ACOXL: variants seen among roughly 807,000 people sequenced by gnomAD.
ACOXL encodes the protein acyl-coenzyme A oxidase-like protein.
In ACOXL, 70 loss-of-function variants were observed where a neutral mutation model predicts 71.9. The ratio of observed to expected loss-of-function variants is 0.97; its 90% confidence interval spans 0.80 to 1.19. ACOXL has a LOEUF of 1.19. Ranked by LOEUF, ACOXL falls within the 50% of genes most tolerant of loss-of-function variation. The probability of loss-of-function intolerance (pLI) is 0.00; values close to 1 mark genes in which losing one functional copy is unlikely to be tolerated. For synonymous variants in ACOXL, 253 were observed against 281.6 expected, an observed-to-expected ratio of 0.90 and a Z score of 1.02; for missense variants, 703 against 736.3, an observed-to-expected ratio of 0.95 and a Z score of 0.52.
intron 12 of ACOXL, among the ~76,000 whole-genome samples, chr2:110,955,933 ATTTTT>A (rs67285328): frequency 2.0e-5 from 2 of 101,780 alleles, no homozygotes. Context: ...CTTGCCACAG[ATTTTT>A]TTTTTTTTTT....
intron 14 of ACOXL, among the ~76,000 whole-genome samples, chr2:111,027,054 G>A (rs569982312): frequency 6.6e-6 from 1 of 151,740 alleles, no homozygotes; most frequent in Non-Finnish European, 1.5e-5. Context: ...CCACCATCAC[G>A]CCCAGCTAAT....
chr2:111,042,185 G>T (rs1372426500), intron 15 of ACOXL, among the ~76,000 whole-genome samples: 1 of 152,230 alleles, frequency 6.6e-6, no homozygotes, highest in Non-Finnish European at 1.5e-5. Flanking sequence ...GGCCAAACTG[G>T]CATTTTGCCT....
At chr2:110,786,080 C>T (rs1358461627) in intron 3 of ACOXL, among the ~76,000 whole-genome samples, 1 of 152,204 alleles carries the variant, frequency 6.6e-6, no homozygotes, top group African/African-American at 2.4e-5. Context: ...GCCACTCGTG[C>T]TGCCCAAGCC....
At chr2:110,788,856 G>C (rs986908796) in intron 3 of ACOXL, among the ~76,000 whole-genome samples, 3 of 152,218 alleles carry the variant, frequency 2.0e-5, no homozygotes, top group Middle Eastern at 3.2e-3. Context: ...GAGGGCATGT[G>C]GTGTGCTGGG....
At chr2:110,927,613 A>G (rs933791383) in intron 11 of ACOXL, among the ~76,000 whole-genome samples, 4 of 152,192 alleles carry the variant, frequency 2.6e-5, no homozygotes, top group Admixed American at 2.0e-4. Flanking sequence ...GAGCCCCCAT[A>G]TAAGCTTCCT....
At chr2:111,089,296 C>T (rs915706995) in intron 16 of ACOXL, among the ~76,000 whole-genome samples, 1 of 150,254 alleles carries the variant, frequency 6.7e-6, no homozygotes, top group African/African-American at 2.5e-5. Context: ...GACTCCGTCT[C>T]AAAAACAAAC....
chr2:110,879,031 TG>T (rs1031942138), intron 10 of ACOXL, among the ~76,000 whole-genome samples: 1 of 149,002 alleles, frequency 6.7e-6, no homozygotes, highest in African/African-American at 2.5e-5. Flanking sequence ...CCCTCCAGCC[TG>T]GGCGACAGGG....
chr2:110,892,375 C>A (rs12329216), intron 10 of ACOXL, among the ~76,000 whole-genome samples: 47,641 of 151,942 alleles, frequency 0.31, 7,799 homozygotes, highest in Middle Eastern at 0.38. Flanking sequence ...GGGTAGCAAA[C>A]CAGTCAGGGG....
intron 9 of ACOXL, among the ~76,000 whole-genome samples, chr2:110,821,424 G>A (rs1053496002): frequency 6.6e-5 from 10 of 152,140 alleles, no homozygotes; most frequent in Admixed American, 3.9e-4. Context: ...TATGCAGCGG[G>A]GCCCAGAGCT....
intron 9 of ACOXL, among the ~76,000 whole-genome samples, chr2:110,829,888 C>T (rs1689609637): frequency 6.6e-6 from 1 of 152,184 alleles, no homozygotes; most frequent in Non-Finnish European, 1.5e-5. Flanking sequence ...TAATTATTTA[C>T]AGAGATTGCT....
rs116038004 is a variant in ACOXL at position 110,992,993 on chromosome 2, A to G, written c.1170-2900A>G. ...CTATCAACCTATTACTGTACCTGCT[A>G]TATCACTATCATATCTATGGATCTG... On this transcript the variant is annotated intron_variant, in intron 13 of 17. Coordinates refer to ENST00000439055, the MANE Select transcript of ACOXL (RefSeq NM_001142807.4). Among the ~76,000 whole-genome samples the G allele has an allele frequency of 4.1e-3, 632 of 152,370 alleles. 8 individuals carry two copies. Among genetic ancestry groups the G allele is most frequent in the African/African-American group, 0.015 (608 of 41,586 alleles).
At chr2:111,104,982 A>G (rs1473530804) in intron 17 of ACOXL, among the ~76,000 whole-genome samples, 1 of 152,052 alleles carries the variant, frequency 6.6e-6, no homozygotes, top group African/African-American at 2.4e-5. Flanking sequence ...GCCATGATCC[A>G]TTTTTAGTTA....
chr2:111,047,570 T>A (rs1358386377), intron 15 of ACOXL, among the ~76,000 whole-genome samples: 1 of 151,978 alleles, frequency 6.6e-6, no homozygotes. Flanking sequence ...GAGGACGGAG[T>A]TGAGGGAGAG....
At chr2:110,959,478 C>A (rs1218338123) in intron 12 of ACOXL, among the ~76,000 whole-genome samples, 1 of 152,146 alleles carries the variant, frequency 6.6e-6, no homozygotes, top group Non-Finnish European at 1.5e-5. Flanking sequence ...TCCACTTCCT[C>A]CCCCTGAAAA....
chr2:110,738,454 A>G (rs539696326), intron 1 of ACOXL, among the ~76,000 whole-genome samples: 7 of 152,200 alleles, frequency 4.6e-5, no homozygotes, highest in Non-Finnish European at 8.8e-5. Flanking sequence ...TTACTGTTCA[A>G]TTGACTGAAA....
chr2:110,970,357 A>G (rs1574330351), intron 12 of ACOXL, among the ~76,000 whole-genome samples: 1 of 152,226 alleles, frequency 6.6e-6, no homozygotes, highest in African/African-American at 2.4e-5. Flanking sequence ...ATCAAATGCA[A>G]TCCACCACAT....
intron 14 of ACOXL, chr2:111,016,617 A>G (rs1463999150): frequency 2.6e-5 from 4 of 152,296 alleles, no homozygotes; most frequent in Non-Finnish European, 5.9e-5. Context: ...TAATGACAAC[A>G]GCTCACACTC....
At chr2:111,030,144 G>A (rs191665669) in intron 14 of ACOXL, among the ~76,000 whole-genome samples, 8 of 152,282 alleles carry the variant, frequency 5.3e-5, no homozygotes, top group South Asian at 2.1e-4. Flanking sequence ...GTGGGGGATA[G>A]TCGGTGCATG....
At chr2:110,876,446 C>T (rs1056148696) in intron 10 of ACOXL, among the ~76,000 whole-genome samples, 1 of 152,152 alleles carries the variant, frequency 6.6e-6, no homozygotes, top group African/African-American at 2.4e-5. Flanking sequence ...CAGGCTGAGG[C>T]CCGTCCCTCT....
Sources: gnomAD v4.1 joint callset for allele counts (sites outside exome capture counted in the v4.1 genomes callset) on GRCh38, gnomAD v4.1.1 for gene constraint, MANE v1.5 for transcripts, NCBI Gene and HGNC (gene_info 2026-07-23, HGNC 2026-07-21) for gene names.